Variants in ULK2 observed in about 807,000 individuals in gnomAD.
ULK2 encodes serine/threonine-protein kinase ULK2.
Under a neutral mutation model 127.5 loss-of-function variants are expected in ULK2, and 76 were observed. The observed-to-expected ratio is 0.60, with a 90% CI of 0.50 to 0.72. The LOEUF (loss-of-function observed/expected upper bound fraction) is 0.72, where lower values mean the gene tolerates loss of function less well. ULK2 is among the 30% of genes least tolerant of loss of function. The pLI is 0.00. For synonymous variants in ULK2, 452 were observed against 461.9 expected (o/e 0.98, Z 0.28); for missense variants, 1,144 against 1,295.9 (o/e 0.88, Z 1.80).
chr17:19,830,888 G>A (rs150579436), intron 10 of ULK2, among the ~76,000 whole-genome samples: 6 of 152,136 alleles, frequency 3.9e-5, no homozygotes, highest in East Asian at 1.9e-4. Flanking sequence ...TTAGCCATGC[G>A]TGGTGGCACG....
intron 21 of ULK2, 115 bp downstream of exon 21, chr17:19,785,822 G>C (rs1459814019): frequency 3.9e-6 from 5 of 1,283,954 alleles, no homozygotes; most frequent in Non-Finnish European, 5.2e-6. Context: ...CACTGGTAAA[G>C]AAACTGAAGC....
chr17:19,852,088 T>G (rs1178832941), intron 3 of ULK2, among the ~76,000 whole-genome samples: 2 of 141,830 alleles, frequency 1.4e-5, no homozygotes, highest in South Asian at 2.3e-4. Context: ...AGCTGGGCAG[T>G]GTGGCACGCA....
chr17:19,818,707 CT>C (rs1315800249), intron 12 of ULK2, among the ~76,000 whole-genome samples: 2 of 152,176 alleles, frequency 1.3e-5, no homozygotes, highest in Admixed American at 1.3e-4. Context: ...CATTTTTTCC[CT>C]CTGTAGATAA....
intron 5 of ULK2, 118 bp from the exon 6 acceptor site, chr17:19,847,028 C>T: frequency 1.1e-6 from 1 of 927,064 alleles, no homozygotes; most frequent in Non-Finnish European, 1.5e-6. Flanking sequence ...AATTTGGATT[C>T]ACATTTATTT....
At chr17:19,861,845 C>T (rs556945352) in intron 3 of ULK2, among the ~76,000 whole-genome samples, 6 of 152,220 alleles carry the variant, frequency 3.9e-5, no homozygotes, top group South Asian at 2.1e-4. Context: ...AATGAAGAAA[C>T]GAATTAACAG....
At chr17:19,823,850 G>A (rs915573959) in intron 12 of ULK2, among the ~76,000 whole-genome samples, 1 of 152,144 alleles carries the variant, frequency 6.6e-6, no homozygotes, top group Non-Finnish European at 1.5e-5. Context: ...AATTTGCGGG[G>A]CTGTGTAAGA....
chr17:19,865,403 T>C (rs938808233), intron 2 of ULK2, among the ~76,000 whole-genome samples: 1 of 152,034 alleles, frequency 6.6e-6, no homozygotes, highest in Non-Finnish European at 1.5e-5. Flanking sequence ...CCAAAAAACT[T>C]AGTAGTAACA....
chr17:19,780,237 G>A (rs533265092), intron 25 of ULK2, among the ~76,000 whole-genome samples: 5 of 151,368 alleles, frequency 3.3e-5, no homozygotes, highest in Admixed American at 1.3e-4. Context: ...TTTAATAAGA[G>A]CTGTAATAAA....
intron 13 of ULK2, among the ~76,000 whole-genome samples, chr17:19,813,254 T>C (rs2040888575): frequency 6.6e-6 from 1 of 152,086 alleles, no homozygotes; most frequent in African/African-American, 2.4e-5. Context: ...CACTCCCACA[T>C]ACAGAGCTCT....
chr17:19,795,984 T>C (rs1480464103), intron 19 of ULK2, 111 bp downstream of exon 19: 9 of 1,416,692 alleles, frequency 6.4e-6, no homozygotes, highest in East Asian at 2.3e-5. Flanking sequence ...AATAACCATA[T>C]GGCATAAATC....
chr17:19,777,894 A>G (rs1326189705), intron 25 of ULK2, among the ~76,000 whole-genome samples, 178 bp from the exon 26 acceptor site: 1 of 152,224 alleles, frequency 6.6e-6, no homozygotes, highest in Non-Finnish European at 1.5e-5. Context: ...ATATAAGAGC[A>G]ACTTCATAAA....
At position 19,815,243 on chromosome 17, in the gene ULK2, A is replaced by G. The variant is rs2040957662; in HGVS notation, c.1096+1506T>C. Among the ~76,000 whole-genome samples the G allele has an allele frequency of 2.0e-5, 3 of 151,982 alleles. No homozygotes were observed. In the South Asian group the frequency reaches 6.2e-4, roughly 32 times the overall value. On this transcript the variant is annotated intron_variant, in intron 13 of 26. Coordinates refer to ENST00000395544, the MANE Select transcript of ULK2 (RefSeq NM_014683.4). ...AAAAGGCACTTTAGCTGTACTTAAC[A>G]GCATTTTTTTTTGTTTGTTTTTTTG... is the stretch of plus-strand genomic sequence containing the variant.
intron 6 of ULK2, among the ~76,000 whole-genome samples, chr17:19,846,162 T>C (rs114991604): frequency 6.6e-6 from 1 of 151,828 alleles, no homozygotes; most frequent in African/African-American, 2.4e-5. Context: ...AGTTATTAAT[T>C]TGCTGCCAGT....
At chr17:19,843,243 G>A in intron 7 of ULK2, 21 bp from the exon 8 acceptor site, 1 of 1,485,452 alleles carries the variant, frequency 6.7e-7, no homozygotes, top group Non-Finnish European at 9.0e-7. Flanking sequence ...AAAAATTTAA[G>A]GGGCATGCCG....
intron 3 of ULK2, among the ~76,000 whole-genome samples, chr17:19,854,330 C>G (rs907757392): frequency 1.3e-5 from 2 of 150,820 alleles, no homozygotes; most frequent in African/African-American, 4.9e-5. Context: ...TGATCTAACA[C>G]AAACCCAACA....
intron 15 of ULK2, among the ~76,000 whole-genome samples, chr17:19,802,366 C>A (rs2087419068): frequency 6.6e-6 from 1 of 152,064 alleles, no homozygotes; most frequent in African/African-American, 2.4e-5. Context: ...TTGATATTTA[C>A]TGTATTCAAA....
At chr17:19,848,770 T>A (rs1597807721) in intron 5 of ULK2, among the ~76,000 whole-genome samples, 1 of 150,612 alleles carries the variant, frequency 6.6e-6, no homozygotes. Flanking sequence ...GAGTGAGACT[T>A]CATCTCCAAA....
intron 10 of ULK2, among the ~76,000 whole-genome samples, chr17:19,833,625 C>T (rs936050614): frequency 5.9e-5 from 9 of 151,812 alleles, no homozygotes; most frequent in South Asian, 4.2e-4. Flanking sequence ...CAGGAGACAG[C>T]GACTCATCAA....
chr17:19,851,500 C>T lies in ULK2; in HGVS notation c.226-1726G>A, dbSNP rs951929963. On this transcript the variant is annotated intron_variant, in intron 3 of 26. Transcript: ENST00000395544. ...TAAAAATACAAAGAAATTAGCCGGG[C>T]GTGGTGGTGCACGCCTGCAATCCCA... 2.6e-5 allele frequency among the ~76,000 whole-genome samples: 4 copies of T among 151,628 alleles called. No individual in the cohort carries two copies. In the South Asian group the frequency reaches 6.3e-4, roughly 24 times the overall value.
Sources: gnomAD v4.1 joint callset for allele counts (sites outside exome capture counted in the v4.1 genomes callset) on GRCh38, gnomAD v4.1.1 for gene constraint, MANE v1.5 for transcripts, NCBI Gene and HGNC (gene_info 2026-07-23, HGNC 2026-07-21) for gene names.